Variants in IPO5 observed in about 807,000 individuals in gnomAD.
IPO5 encodes importin 5, also known as importin-5.
In IPO5, 18 loss-of-function variants were observed where a neutral mutation model predicts 143.3. That is an observed-to-expected ratio of 0.13 (90% CI 0.09 to 0.19). The LOEUF (loss-of-function observed/expected upper bound fraction) is 0.19, where lower values mean the gene tolerates loss of function less well. Among genes scored for constraint, IPO5 ranks in the 10% least tolerant of loss-of-function variants. The probability of loss-of-function intolerance (pLI) is 1.00; values close to 1 mark genes in which losing one functional copy is unlikely to be tolerated. For missense variants in IPO5, 1,013 were observed against 1,336.9 expected, an observed-to-expected ratio of 0.76 and a Z score of 3.78; for synonymous variants, 477 against 465.7, an observed-to-expected ratio of 1.02 and a Z score of -0.31.
Position 98,000,564 on chromosome 13 carries a change from C to T in IPO5, c.1027C>T (p.Leu343=), listed in dbSNP as rs74108122. The change falls in exon 13 of 29, where the codon CTA becomes TTA. Residue 343 remains leucine (L), a synonymous_variant. Transcript: ENST00000651721. The stretch of plus-strand genomic sequence containing the variant: ...CAATGCAGTTGCAGGCGAGAGTGCT[C>T]TAGATCGAATGGCTTGCGGACTTGG... The part of the protein sequence containing the change: ...DSNAVAGESA[L]DRMACGLGGK... 250 of 1,613,996 alleles carry T rather than the reference C, an allele frequency of 1.5e-4. 1 individual carries two copies. The highest frequency in any genetic ancestry group is 1.3e-3 in the African/African-American group (100 of 75,032).
chr13:97,959,988 G>T (rs1281975984), intron 2 of IPO5, among the ~76,000 whole-genome samples: 1 of 152,164 alleles, frequency 6.6e-6, no homozygotes, highest in Non-Finnish European at 1.5e-5. Flanking sequence ...ACAAATGAAT[G>T]AAGAAAATGT....
At chr13:97,957,061 A>G (rs1441443447) in intron 2 of IPO5, among the ~76,000 whole-genome samples, 3 of 152,180 alleles carry the variant, frequency 2.0e-5, no homozygotes, top group African/African-American at 7.2e-5. Context: ...CACATTCTTT[A>G]AAAGGGTAGG....
Position 97,997,636 on chromosome 13 carries a change from C to G in IPO5, c.1001+18C>G. Reference sequence around the variant, plus strand: ...TTTGACAGGTAATCAAACATTGTGTCCAGGGTGGCAGTGAAAGCCCTAGGG... The same window carrying G: ...TTTGACAGGTAATCAAACATTGTGTGCAGGGTGGCAGTGAAAGCCCTAGGG... On this transcript the variant is annotated intron_variant, in intron 12 of 28. Transcript: ENST00000651721. The G allele has an allele frequency of 6.5e-7, 1 of 1,539,904 alleles. No individual in the cohort carries two copies. Among genetic ancestry groups the G allele is most frequent in the South Asian group, 1.1e-5 (1 of 88,606 alleles).
At chr13:97,954,812 C>T (rs1234938661) in intron 2 of IPO5, among the ~76,000 whole-genome samples, 4 of 152,200 alleles carry the variant, frequency 2.6e-5, no homozygotes, top group Non-Finnish European at 2.9e-5. Context: ...TGCTTTCTTC[C>T]GTCATTTGTC....
chr13:97,967,505 T>C (rs1417824108), intron 2 of IPO5, among the ~76,000 whole-genome samples: 1 of 152,144 alleles, frequency 6.6e-6, no homozygotes, highest in South Asian at 2.1e-4. Flanking sequence ...AGGAAGTAGG[T>C]TATTGATTTC....
chr13:97,992,796 A>G (rs1887910933), intron 9 of IPO5, 96 bp from the exon 10 acceptor site: 1 of 1,244,958 alleles, frequency 8.0e-7, no homozygotes, highest in Middle Eastern at 2.0e-4. Context: ...ATAGTTTAGT[A>G]ATATTTCTCT....
chr13:97,994,495 T>C (rs1888072166), intron 11 of IPO5, among the ~76,000 whole-genome samples: 2 of 152,302 alleles, frequency 1.3e-5, no homozygotes, highest in Admixed American at 1.3e-4. Context: ...TTTATAGGCA[T>C]GAGTTATAGT....
intron 18 of IPO5, among the ~76,000 whole-genome samples, chr13:98,009,088 C>T (rs1033900672): frequency 2.6e-5 from 4 of 152,092 alleles, no homozygotes; most frequent in Non-Finnish European, 4.4e-5. Context: ...GTGGTAAGGA[C>T]GAGGCGTGTT....
intron 2 of IPO5, among the ~76,000 whole-genome samples, chr13:97,958,311 C>G (rs528097290): frequency 6.6e-6 from 1 of 152,226 alleles, no homozygotes; most frequent in Middle Eastern, 3.4e-3. Context: ...CACAAAAGTG[C>G]CACGAAGGAA....
At chr13:97,997,461 T>C (rs1031472865) in intron 11 of IPO5, 70 bp from the exon 12 acceptor site, 2 of 792,284 alleles carry the variant, frequency 2.5e-6, no homozygotes, top group Non-Finnish European at 4.0e-6. Flanking sequence ...CTTAAAATTC[T>C]TGTTTATAAA....
At chr13:97,976,598 C>G (rs564805291) in intron 3 of IPO5, 95 bp from the exon 4 acceptor site, 13 of 291,294 alleles carry the variant, frequency 4.5e-5, no homozygotes, top group Admixed American at 3.1e-4. Context: ...CCGCTGGTGC[C>G]GGTCCCCGCG....
At chr13:98,016,628 T>C (rs1234678668) in intron 24 of IPO5, 101 bp from the exon 25 acceptor site, 3 of 626,468 alleles carry the variant, frequency 4.8e-6, no homozygotes, top group Non-Finnish European at 4.9e-6. Context: ...GAATGAGAAA[T>C]TGATTTTCTG....
chr13:98,002,837 G>GT, intron 15 of IPO5, 27 bp from the exon 16 acceptor site: 1 of 1,603,814 alleles, frequency 6.2e-7, no homozygotes, highest in African/African-American at 1.3e-5. Context: ...ATTTCAACAT[G>GT]TGTGCCCATT....
At chr13:97,955,183 T>C (rs1207666659) in intron 2 of IPO5, among the ~76,000 whole-genome samples, 1 of 151,760 alleles carries the variant, frequency 6.6e-6, no homozygotes, top group Non-Finnish European at 1.5e-5. Flanking sequence ...GAGCCATGAC[T>C]GTGCCACTGC....
intron 11 of IPO5, among the ~76,000 whole-genome samples, chr13:97,995,857 G>GAT (rs1484586763): frequency 6.6e-6 from 1 of 152,144 alleles, no homozygotes; most frequent in Non-Finnish European, 1.5e-5. Flanking sequence ...AAATATTACA[G>GAT]ATATATTTTA....
At chr13:98,012,074 C>T (rs1889766144) in intron 20 of IPO5, among the ~76,000 whole-genome samples, 172 bp from the exon 21 acceptor site, 1 of 151,098 alleles carries the variant, frequency 6.6e-6, no homozygotes, top group South Asian at 2.1e-4. Context: ...CATGACCCTT[C>T]TTTTAAGACT....
chr13:98,015,489 C>T (rs1890065863), intron 22 of IPO5, 41 bp from the exon 23 acceptor site: 11 of 1,212,078 alleles, frequency 9.1e-6, no homozygotes, highest in Non-Finnish European at 1.3e-5. Context: ...CTCCAAACAC[C>T]CCAAATCTTA....
At chr13:97,955,659 T>C (rs1335195294) in intron 2 of IPO5, among the ~76,000 whole-genome samples, 2 of 152,078 alleles carry the variant, frequency 1.3e-5, no homozygotes, top group South Asian at 2.1e-4. Context: ...GAGGATCCCC[T>C]AGGGTGCTGC....
At chr13:97,968,938 C>T (rs1885573112) in intron 2 of IPO5, among the ~76,000 whole-genome samples, 3 of 151,710 alleles carry the variant, frequency 2.0e-5, no homozygotes, top group African/African-American at 4.8e-5. Flanking sequence ...ATCCACCCAC[C>T]CTGGCCTCCC....
Sources: gnomAD v4.1 joint callset for allele counts (sites outside exome capture counted in the v4.1 genomes callset) on GRCh38, gnomAD v4.1.1 for gene constraint, MANE v1.5 for transcripts, NCBI Gene and HGNC (gene_info 2026-07-23, HGNC 2026-07-21) for gene names.